Variants in AFAP1L2 observed in about 807,000 individuals in gnomAD.
AFAP1L2 encodes actin filament-associated protein 1-like 2.
A neutral mutation model predicts 99.3 loss-of-function variants in AFAP1L2; 46 were observed. That is an observed-to-expected ratio of 0.46 (90% CI 0.37 to 0.59). AFAP1L2 has a LOEUF of 0.59. AFAP1L2 is among the 20% of genes least tolerant of loss of function. The pLI, the probability that AFAP1L2 is intolerant of heterozygous loss-of-function variation, is 0.00. For synonymous variants in AFAP1L2, 397 were observed against 419.1 expected (o/e 0.95, Z 0.64); for missense variants, 959 against 1,034.9 (o/e 0.93, Z 1.01).
chr10:114,390,443 C>T (rs766684272), intron 1 of AFAP1L2, among the ~76,000 whole-genome samples: 2 of 152,146 alleles, frequency 1.3e-5, no homozygotes, highest in African/African-American at 2.4e-5. Flanking sequence ...GAAAAATCGG[C>T]CGGCTGCGGT....
At chr10:114,403,359 C>G (rs759648901) in intron 1 of AFAP1L2, among the ~76,000 whole-genome samples, 25 of 152,158 alleles carry the variant, frequency 1.6e-4, no homozygotes, top group Non-Finnish European at 2.6e-4. Context: ...GAAGCCGGTC[C>G]CAACAGGTCC....
rs543671985 is a variant in AFAP1L2 at position 114,294,826 on chromosome 10, C to CAAAT, written c.*1212_*1215dup. The CAAAT allele has an allele frequency of 1.4e-4, 134 of 976,742 alleles. 1 individual carries two copies. In the African/African-American group the frequency reaches 2.3e-3, roughly 17 times the overall value. 60.5% of individuals were successfully genotyped at this position (976,742 alleles called of 1,614,324 possible). A position where few individuals can be genotyped will look rare whatever the true frequency, so the allele number is the denominator to read the frequency against. On this transcript the variant is annotated 3_prime_UTR_variant, in exon 19 of 19. Transcript: ENST00000304129. ...TCATTTCATGAACTGAGGAAAACTT[C>CAAAT]AAATACAATGAACATTTTATTTTAA...
At chr10:114,286,774 G>A in the AFAP1L2 span, among the ~76,000 whole-genome samples, 9 of 152,338 alleles carry the variant, frequency 5.9e-5, no homozygotes, top group African/African-American at 1.9e-4. Context: ...TAAGCACTCA[G>A]CAAACTCTAG....
At chr10:114,398,499 G>A (rs2057938086) in intron 1 of AFAP1L2, among the ~76,000 whole-genome samples, 1 of 152,218 alleles carries the variant, frequency 6.6e-6, no homozygotes, top group African/African-American at 2.4e-5. Flanking sequence ...AGGTTTCAGG[G>A]TATCTGCTCC....
intron 18 of AFAP1L2, chr10:114,296,769 C>T (rs1370450087): frequency 8.8e-6 from 6 of 683,566 alleles, no homozygotes; most frequent in Non-Finnish European, 1.4e-5. Flanking sequence ...GGGAAGGATG[C>T]TCGAACCAAG....
the AFAP1L2 span, among the ~76,000 whole-genome samples, chr10:114,284,020 C>T: frequency 3.3e-4 from 50 of 152,210 alleles, no homozygotes; most frequent in Non-Finnish European, 5.7e-4. Context: ...ACATGAAGAC[C>T]TTGTTTGTTT....
In AFAP1L2 at chr10:114,304,949, ATGCAGGAGGGGACAGGGC is replaced by A. The variant is rs754109691; in HGVS notation, c.1073-37_1073-20del. 1.1e-4 allele frequency: 154 copies of A among 1,413,810 alleles called. No individual in the cohort carries two copies. The highest frequency in any genetic ancestry group is 1.4e-4 in the Non-Finnish European group (144 of 1,053,174). 87.6% of individuals were successfully genotyped at this position (1,413,810 alleles called of 1,614,324 possible). ...AGGTAACCTGCAGGAGGAAGTGCAG[ATGCAGGAGGGGACAGGGC>A]TGCAGGAGGGGACGCAGATGCAGGA... is the stretch of plus-strand genomic sequence containing the variant. On this transcript the variant is annotated intron_variant, in intron 10 of 18. Coordinates refer to ENST00000304129, the MANE Select transcript of AFAP1L2 (RefSeq NM_001001936.3).
chr10:114,369,818 T>C (rs1235774607), intron 1 of AFAP1L2, among the ~76,000 whole-genome samples: 2 of 152,176 alleles, frequency 1.3e-5, no homozygotes, highest in Non-Finnish European at 2.9e-5. Context: ...AAATACTTCA[T>C]TGTGCCTCTA....
At chr10:114,340,823 C>G in intron 1 of AFAP1L2, 92 bp from the exon 2 acceptor site, 1 of 1,566,226 alleles carries the variant, frequency 6.4e-7, no homozygotes, top group East Asian at 2.2e-5. Flanking sequence ...CCTCCCACCT[C>G]GAACCCTCTG....
intron 1 of AFAP1L2, among the ~76,000 whole-genome samples, chr10:114,402,879 T>C (rs1368837284): frequency 2.6e-5 from 4 of 152,016 alleles, no homozygotes; most frequent in Non-Finnish European, 5.9e-5. Flanking sequence ...GCTTTGCAAG[T>C]CAGGGAGCTG....
At chr10:114,360,509 T>TAGATAGATAGATAGTTAGATAGATAGA (rs61366681) in intron 1 of AFAP1L2, among the ~76,000 whole-genome samples, 3 of 107,366 alleles carry the variant, frequency 2.8e-5, no homozygotes, top group African/African-American at 7.2e-5. Flanking sequence ...AGATAGATAG[T>TAGATAGATAGATAGTTAGATAGATAGA]TAGATAGATA....
intron 1 of AFAP1L2, among the ~76,000 whole-genome samples, chr10:114,351,402 C>CGT (rs1161065893): frequency 6.6e-6 from 1 of 152,138 alleles, no homozygotes; most frequent in Admixed American, 6.5e-5. Context: ...GGAAAATCAC[C>CGT]GTATGTCCAG....
chr10:114,288,753 T>A, the AFAP1L2 span, among the ~76,000 whole-genome samples: 1 of 152,232 alleles, frequency 6.6e-6, no homozygotes, highest in Non-Finnish European at 1.5e-5. Context: ...CAGGCACTCA[T>A]CTTCCTGCTA....
chr10:114,394,901 C>T (rs1308764350), intron 1 of AFAP1L2, among the ~76,000 whole-genome samples: 4 of 152,114 alleles, frequency 2.6e-5, no homozygotes, highest in African/African-American at 9.7e-5. Flanking sequence ...TCCAGGGGCT[C>T]CAGACATCTG....
At chr10:114,391,930 T>C (rs1446100049) in intron 1 of AFAP1L2, among the ~76,000 whole-genome samples, 2 of 152,088 alleles carry the variant, frequency 1.3e-5, no homozygotes, top group African/African-American at 4.8e-5. Context: ...TCCAGAGCAG[T>C]ACAAGGAACA....
At chr10:114,308,613 T>C in intron 8 of AFAP1L2, 96 bp from the exon 9 acceptor site, 1 of 1,120,370 alleles carries the variant, frequency 8.9e-7, no homozygotes, top group East Asian at 2.4e-5. Flanking sequence ...CTCTTGGTTG[T>C]ATGCCAGAGG....
At chr10:114,369,463 C>T (rs1248221) in intron 1 of AFAP1L2, among the ~76,000 whole-genome samples, 24,734 of 151,738 alleles carry the variant, frequency 0.16, 2,570 homozygotes, top group Non-Finnish European at 0.23. Context: ...GGCGTGGTGG[C>T]GGGCGCCTGT....
chr10:114,372,650 C>T (rs1185078850), intron 1 of AFAP1L2, among the ~76,000 whole-genome samples: 1 of 151,450 alleles, frequency 6.6e-6, no homozygotes, highest in African/African-American at 2.4e-5. Flanking sequence ...TATATATACA[C>T]ATATATGTAT....
At chr10:114,313,385 G>A (rs2043569717) in intron 7 of AFAP1L2, among the ~76,000 whole-genome samples, 1 of 152,146 alleles carries the variant, frequency 6.6e-6, no homozygotes, top group South Asian at 2.1e-4. Flanking sequence ...GCACAGCACT[G>A]TGTAGACGGG....
Sources: allele counts gnomAD v4.1 joint callset (sites outside exome capture counted in the v4.1 genomes callset), GRCh38; gene constraint gnomAD v4.1.1; transcripts MANE v1.5; gene names NCBI Gene and HGNC (gene_info 2026-07-23, HGNC 2026-07-21).